The following CCDC14 variants were observed in gnomAD, a reference collection of about 807,000 sequenced individuals.
CCDC14 encodes the protein coiled-coil domain-containing protein 14.
In CCDC14, 71 loss-of-function variants were observed where a neutral mutation model predicts 81.4. The observed-to-expected ratio is 0.87, with a 90% CI of 0.72 to 1.06. The LOEUF is 1.06. Ranked by LOEUF, CCDC14 falls within the 50% of genes least tolerant of loss-of-function variation. The pLI is 0.00. For missense variants in CCDC14, 1,046 were observed against 1,047.3 expected, an observed-to-expected ratio of 1.00 and a Z score of 0.02; for synonymous variants, 332 against 364.8, an observed-to-expected ratio of 0.91 and a Z score of 1.03.
At chr3:123,915,772 T>A (rs1324009527) in intron 12 of CCDC14, 54 bp from the exon 13 acceptor site, 1 of 1,318,276 alleles carries the variant, frequency 7.6e-7, no homozygotes, top group African/African-American at 1.5e-5. Flanking sequence ...TTTCTTTAAT[T>A]CACTTATCTA....
intron 12 of CCDC14, among the ~76,000 whole-genome samples, chr3:123,919,998 T>C (rs557267495): frequency 1.3e-3 from 203 of 151,988 alleles, no homozygotes; most frequent in Middle Eastern, 3.4e-3. Context: ...AAAATATAGA[T>C]AAAAAATTAA....
At chr3:123,892,557 T>C (rs2034004939), downstream of CCDC14, among the ~76,000 whole-genome samples, 1 of 152,182 alleles carries the variant, frequency 6.6e-6, no homozygotes, top group African/African-American at 2.4e-5. Flanking sequence ...CAGCTTGACT[T>C]TCTGTCCAGA....
At chr3:123,889,798 C>T in the CCDC14 span, among the ~76,000 whole-genome samples, 1 of 152,240 alleles carries the variant, frequency 6.6e-6, no homozygotes, top group Admixed American at 6.5e-5. Context: ...TTCCCCTCCA[C>T]ACAAACCTAG....
At position 123,913,826 on chromosome 3, in the gene CCDC14, C is replaced by T. The variant is rs1266778934; in HGVS notation, c.*953G>A. On this transcript the variant is annotated 3_prime_UTR_variant, in exon 13 of 13. Coordinates refer to ENST00000409697, the MANE Select transcript of CCDC14 (RefSeq NM_001366335.1). ...GTATTAGTGATAACACAACATTCAGCTTCCTAAGAGTTAAAACGTGCTGCT... is the reference window on the plus strand; with the variant it reads ...GTATTAGTGATAACACAACATTCAGTTTCCTAAGAGTTAAAACGTGCTGCT... 1 of 985,180 alleles carries T rather than the reference C, an allele frequency of 1.0e-6. No homozygotes were observed. The highest frequency in any genetic ancestry group is 1.2e-6 in the Non-Finnish European group (1 of 829,898). The allele number at this position is 985,180 out of a possible 1,614,324, so 61.0% of individuals were successfully genotyped here. A position where few individuals can be genotyped will look rare whatever the true frequency, so the allele number is the denominator to read the frequency against.
intron 12 of CCDC14, among the ~76,000 whole-genome samples, chr3:123,922,089 CA>C (rs2035080851): frequency 6.6e-6 from 1 of 152,140 alleles, no homozygotes; most frequent in Admixed American, 6.5e-5. Flanking sequence ...GGGAAATTCA[CA>C]AACGTGGAAA....
Position 123,933,129 on chromosome 3 carries a change from C to A in CCDC14, c.1426+544G>T, listed in dbSNP as rs2682244. ...ACAAACAAACAAACAAACAAACAAA[C>A]AAAGCTGACATATATGCACAAAGAC... On this transcript the variant is annotated intron_variant, in intron 10 of 12. Coordinates refer to ENST00000409697, the MANE Select transcript of CCDC14 (RefSeq NM_001366335.1). Among the ~76,000 whole-genome samples, 923 of 150,712 alleles carry A rather than the reference C, an allele frequency of 6.1e-3. 6 individuals carry two copies. The highest frequency in any genetic ancestry group is 0.012 in the African/African-American group (507 of 40,900).
At chr3:123,888,688 G>A in the CCDC14 span, among the ~76,000 whole-genome samples, 6 of 152,336 alleles carry the variant, frequency 3.9e-5, no homozygotes, top group African/African-American at 1.4e-4. Context: ...AGTGGCAGGA[G>A]AAAGAGAGAA....
At chr3:123,939,702 C>T (rs1156302679) in intron 9 of CCDC14, among the ~76,000 whole-genome samples, 1 of 151,726 alleles carries the variant, frequency 6.6e-6, no homozygotes, top group Non-Finnish European at 1.5e-5. Flanking sequence ...ATCTACCATG[C>T]ATTCAGTCAA....
Position 123,961,203 on chromosome 3 carries a change from AG to A in CCDC14, c.-31del. The A allele has an allele frequency of 6.4e-7, 1 of 1,551,604 alleles. No homozygotes were observed. The highest frequency in any genetic ancestry group is 2.0e-5 in the Admixed American group (1 of 51,004). On this transcript the variant is annotated 5_prime_UTR_variant, in exon 1 of 13. Transcript: ENST00000409697. ...CGCCGCCTCAGAGAAGCCCAGACCG[AG>A]GGAAGTGAAGCCTCACGGTAAAAAG...
intron 12 of CCDC14, among the ~76,000 whole-genome samples, chr3:123,917,380 A>G (rs940589165): frequency 1.3e-5 from 2 of 151,624 alleles, no homozygotes; most frequent in Non-Finnish European, 2.9e-5. Context: ...CTGTGATCCC[A>G]GCTGCTCGGC....
Position 123,946,873 on chromosome 3 carries a change from G to A in CCDC14, c.1131C>T (p.Asn377=), listed in dbSNP as rs767162060. ...TAATTCTAACTTTTTCAGCTGTCTT[G>A]TTCACATTTTTTGCCTTCTGTACAT... ...VKDVQKAKNV[N]KTAEKVRIIK... The change falls in exon 8 of 13, where the codon AAC becomes AAT. Residue 377 remains asparagine, a synonymous_variant. Coordinates refer to ENST00000409697, the MANE Select transcript of CCDC14 (RefSeq NM_001366335.1). 6.2e-7 allele frequency: 1 copy of A among 1,613,884 alleles called. No individual in the cohort carries two copies. Among genetic ancestry groups the A allele is most frequent in the Non-Finnish European group, 8.5e-7 (1 of 1,179,832 alleles).
rs1204737685 is a variant in CCDC14 at position 123,914,326 on chromosome 3, C to T, written c.*453G>A. 3.0e-6 allele frequency: 3 copies of T among 984,322 alleles called. No individual in the cohort carries two copies. Among genetic ancestry groups the T allele is most frequent in the East Asian group, 1.1e-4 (1 of 8,790 alleles). 61.0% of individuals were successfully genotyped at this position (984,322 alleles called of 1,614,324 possible). A position where few individuals can be genotyped will look rare whatever the true frequency, so the allele number is the denominator to read the frequency against. On this transcript the variant is annotated 3_prime_UTR_variant, in exon 13 of 13. Transcript: ENST00000409697. Reference sequence around the variant, plus strand: ...TCACCAACAACACTGGCCTGTGGCACACAGCATGTTTAATAAAAACACATT... The same window carrying T: ...TCACCAACAACACTGGCCTGTGGCATACAGCATGTTTAATAAAAACACATT...
chr3:123,956,201 T>C, intron 3 of CCDC14, 86 bp from the exon 4 acceptor site: 4 of 1,356,700 alleles, frequency 2.9e-6, no homozygotes, highest in African/African-American at 1.5e-5. Context: ...TTAAAATTTG[T>C]TTATTTACAA....
downstream of CCDC14, among the ~76,000 whole-genome samples, chr3:123,911,053 G>C (rs527598220): frequency 6.6e-6 from 1 of 152,280 alleles, no homozygotes; most frequent in African/African-American, 2.4e-5. Flanking sequence ...TGGGCAAAAG[G>C]CCGTCCAGGT....
At chr3:123,940,236 G>T (rs2036278520) in intron 9 of CCDC14, among the ~76,000 whole-genome samples, 2 of 151,624 alleles carry the variant, frequency 1.3e-5, no homozygotes, top group Non-Finnish European at 3.0e-5. Flanking sequence ...GAGTTTGTCT[G>T]TTTATTAATG....
intron 12 of CCDC14, among the ~76,000 whole-genome samples, chr3:123,921,169 A>C (rs961549156): frequency 6.6e-6 from 1 of 152,196 alleles, no homozygotes; most frequent in Non-Finnish European, 1.5e-5. Flanking sequence ...ATAAATTACA[A>C]AATGGCAGTA....
chr3:123,893,714 A>G (rs2034021382), downstream of CCDC14, among the ~76,000 whole-genome samples: 1 of 152,074 alleles, frequency 6.6e-6, no homozygotes, highest in Non-Finnish European at 1.5e-5. Flanking sequence ...CAGTTTTTCC[A>G]TATTCTCATT....
downstream of CCDC14, among the ~76,000 whole-genome samples, chr3:123,895,984 A>G (rs928028386): frequency 6.6e-6 from 1 of 152,356 alleles, no homozygotes; most frequent in African/African-American, 2.4e-5. Flanking sequence ...TCATTGCAGC[A>G]TTATTCACAA....
At chr3:123,921,776 T>G (rs1350140048) in intron 12 of CCDC14, among the ~76,000 whole-genome samples, 1 of 152,188 alleles carries the variant, frequency 6.6e-6, no homozygotes, top group African/African-American at 2.4e-5. Context: ...TCTCATAATG[T>G]TTTAAGAAAG....
Sources: allele counts gnomAD v4.1 joint callset (sites outside exome capture counted in the v4.1 genomes callset), GRCh38; gene constraint gnomAD v4.1.1; transcripts MANE v1.5; gene names NCBI Gene and HGNC (gene_info 2026-07-23, HGNC 2026-07-21).